ORC4: variants seen among roughly 807,000 people sequenced by gnomAD.
ORC4 encodes origin recognition complex, subunit 4 homolog.
In ORC4, 55 loss-of-function variants were observed where a neutral mutation model predicts 63.9. The observed-to-expected ratio is 0.86, with a 90% CI of 0.69 to 1.08. The LOEUF is 1.08. Ranked by LOEUF, ORC4 falls within the 50% of genes least tolerant of loss-of-function variation. The probability of loss-of-function intolerance (pLI) is 0.00; values close to 1 mark genes in which losing one functional copy is unlikely to be tolerated. For missense variants in ORC4, 511 were observed against 504.4 expected, an observed-to-expected ratio of 1.01 and a Z score of -0.13; for synonymous variants, 150 against 168.5, an observed-to-expected ratio of 0.89 and a Z score of 0.85.
At chr2:148,012,134 C>A (rs1435632827) in intron 1 of ORC4, among the ~76,000 whole-genome samples, 1 of 151,948 alleles carries the variant, frequency 6.6e-6, no homozygotes, top group Non-Finnish European at 1.5e-5. Context: ...CCCCAAATAG[C>A]CAAAACAATC....
At chr2:147,974,102 A>C (rs980832097) in intron 2 of ORC4, among the ~76,000 whole-genome samples, 16 of 152,314 alleles carry the variant, frequency 1.1e-4, no homozygotes, top group African/African-American at 3.8e-4. Flanking sequence ...CTAATCCTTC[A>C]TGTACCAAAG....
intron 10 of ORC4, among the ~76,000 whole-genome samples, chr2:147,942,150 A>T (rs1264492407): frequency 1.3e-5 from 2 of 152,154 alleles, no homozygotes; most frequent in African/African-American, 2.4e-5. Flanking sequence ...AGGTACTACT[A>T]GCATCAACAG....
intron 1 of ORC4, among the ~76,000 whole-genome samples, chr2:148,018,737 G>A (rs1417337618): frequency 1.3e-5 from 2 of 152,120 alleles, no homozygotes; most frequent in African/African-American, 4.8e-5. Context: ...AACCTAAATT[G>A]CTTAGGAATG....
intron 1 of ORC4, among the ~76,000 whole-genome samples, chr2:147,976,961 C>G (rs17225304): frequency 1.3e-5 from 2 of 152,230 alleles, no homozygotes; most frequent in Admixed American, 1.3e-4. Flanking sequence ...AGACCTTTGA[C>G]TAAAAGACCT....
In ORC4 at chr2:147,932,303, A is replaced by C. The variant is rs1215268590; in HGVS notation, c.*3207T>G. 6.6e-6 allele frequency: 1 copy of C among 152,148 alleles called. No individual in the cohort carries two copies. Among genetic ancestry groups the C allele is most frequent in the Non-Finnish European group, 1.5e-5 (1 of 68,036 alleles). The allele number at this position is 152,148 out of a possible 1,614,324, so 9.4% of individuals were successfully genotyped here. On this transcript the variant is annotated 3_prime_UTR_variant, in exon 14 of 14. Coordinates refer to ENST00000392857, the MANE Select transcript of ORC4 (RefSeq NM_181741.4). ...ACAAGCTACTGCTCAAGGAAATAAA[A>C]GAGGATACAAACAAATGGAAGAACA...
At chr2:147,952,656 G>T (rs1689025012) in intron 7 of ORC4, 132 bp from the exon 8 acceptor site, 2 of 701,366 alleles carry the variant, frequency 2.9e-6, no homozygotes, top group African/African-American at 3.6e-5. Flanking sequence ...TTGGGTAGGG[G>T]ATTTACTGAT....
chr2:147,964,052 T>C (rs1689756312), intron 4 of ORC4, among the ~76,000 whole-genome samples: 1 of 151,920 alleles, frequency 6.6e-6, no homozygotes, highest in African/African-American at 2.4e-5. Context: ...ACATTAAACA[T>C]AAAAAAGCAA....
intron 1 of ORC4, among the ~76,000 whole-genome samples, chr2:147,977,056 T>A (rs1266737306): frequency 1.3e-5 from 2 of 152,212 alleles, no homozygotes; most frequent in African/African-American, 2.4e-5. Flanking sequence ...TATCAGGAAT[T>A]GTTACAAATG....
intron 1 of ORC4, among the ~76,000 whole-genome samples, chr2:148,004,181 C>T (rs554005073): frequency 4.4e-4 from 67 of 152,124 alleles, no homozygotes; most frequent in African/African-American, 1.5e-3. Context: ...ATGGCCACAC[C>T]GCCCAAAGTA....
At position 147,933,572 on chromosome 2, in the gene ORC4, A is replaced by G. The variant is rs1318329005; in HGVS notation, c.*1938T>C. On this transcript the variant is annotated 3_prime_UTR_variant, in exon 14 of 14. Coordinates refer to ENST00000392857, the MANE Select transcript of ORC4 (RefSeq NM_181741.4). ...ATCTTCTGCAGCTCTTATGTAGCCA[A>G]TGAGACAGATGAGGGCTGTCAGCTT... is the stretch of plus-strand genomic sequence containing the variant. 1 of 152,108 alleles carries G rather than the reference A, an allele frequency of 6.6e-6. No homozygotes were observed. The highest frequency in any genetic ancestry group is 6.6e-5 in the Admixed American group (1 of 15,248). 9.4% of individuals were successfully genotyped at this position (152,108 alleles called of 1,614,324 possible).
chr2:148,016,090 G>A (rs1009642244), intron 1 of ORC4, among the ~76,000 whole-genome samples: 2 of 152,142 alleles, frequency 1.3e-5, no homozygotes, highest in Non-Finnish European at 2.9e-5. Flanking sequence ...GAAAAAGCTC[G>A]ATAAGTGGGT....
intron 1 of ORC4, among the ~76,000 whole-genome samples, chr2:147,996,012 A>C (rs1282100255): frequency 1.3e-5 from 2 of 151,910 alleles, no homozygotes; most frequent in Non-Finnish European, 2.9e-5. Context: ...AAAAAAAAAA[A>C]ACAAAAAACA....
At chr2:147,946,085 AG>A (rs1688643127) in intron 9 of ORC4, among the ~76,000 whole-genome samples, 1 of 152,132 alleles carries the variant, frequency 6.6e-6, no homozygotes, top group South Asian at 2.1e-4. Context: ...TCCAGAAAGT[AG>A]ATTAGTTATG....
chr2:147,931,130 G>GTT lies in ORC4; in HGVS notation c.*4378_*4379dup, dbSNP rs1208529407. The GTT allele has an allele frequency of 6.7e-6, 1 of 149,236 alleles. No homozygotes were observed. The highest frequency in any genetic ancestry group is 2.5e-5 in the African/African-American group (1 of 40,368). 9.2% of individuals were successfully genotyped at this position (149,236 alleles called of 1,614,324 possible). Reference sequence around the variant, plus strand: ...TGTTTGGTTTTTTGTTCTTGTGATAGTTTACTGAGAATGATGATTTCCAAT... The same window carrying GTT: ...TGTTTGGTTTTTTGTTCTTGTGATAGTTTTTACTGAGAATGATGATTTCCAAT... On this transcript the variant is annotated 3_prime_UTR_variant, in exon 14 of 14. Transcript: ENST00000392857.
At chr2:147,947,772 A>T (rs1688736901) in intron 9 of ORC4, 1 of 195,582 alleles carries the variant, frequency 5.1e-6, no homozygotes, top group Admixed American at 5.8e-5. Flanking sequence ...TATAAACCAC[A>T]TACAGATAAA....
intron 7 of ORC4, among the ~76,000 whole-genome samples, chr2:147,953,224 G>T (rs1689062309): frequency 6.6e-6 from 1 of 151,242 alleles, no homozygotes; most frequent in Non-Finnish European, 1.5e-5. Flanking sequence ...AGAATCTCTT[G>T]AACTGCGGAG....
At chr2:147,989,751 A>C (rs1274672597) in intron 1 of ORC4, among the ~76,000 whole-genome samples, 1 of 152,078 alleles carries the variant, frequency 6.6e-6, no homozygotes, top group East Asian at 1.9e-4. Context: ...AACAAAAACC[A>C]TGCACCACTT....
At chr2:147,994,205 G>C (rs1375710251) in intron 1 of ORC4, among the ~76,000 whole-genome samples, 1 of 152,086 alleles carries the variant, frequency 6.6e-6, no homozygotes, top group Non-Finnish European at 1.5e-5. Context: ...TCTGATTCAA[G>C]AAATCAAAGA....
At chr2:147,958,667 G>A in intron 5 of ORC4, 124 bp downstream of exon 5, 1 of 657,116 alleles carries the variant, frequency 1.5e-6, no homozygotes, top group Non-Finnish European at 2.8e-6. Flanking sequence ...CATATGGTGT[G>A]CTAAGTAAAA....
Sources: allele counts gnomAD v4.1 joint callset (sites outside exome capture counted in the v4.1 genomes callset), GRCh38; gene constraint gnomAD v4.1.1; transcripts MANE v1.5; gene names NCBI Gene and HGNC (gene_info 2026-07-23, HGNC 2026-07-21).